Variants in CTNNA3 observed in about 807,000 individuals in gnomAD.
The protein encoded by CTNNA3 is catenin alpha-3.
In CTNNA3, 76 loss-of-function variants were observed where a neutral mutation model predicts 95.7. The ratio of observed to expected loss-of-function variants is 0.79; its 90% CI spans 0.66 to 0.96. CTNNA3 has a LOEUF of 0.96. Among genes scored for constraint, CTNNA3 ranks in the 40% least tolerant of loss-of-function variants. The pLI is 0.00. For synonymous variants in CTNNA3, 431 were observed against 374.4 expected (o/e 1.15, Z -1.74); for missense variants, 1,191 against 1,089.8 (o/e 1.09, Z -1.31).
intron 2 of CTNNA3, among the ~76,000 whole-genome samples, chr10:67,614,022 G>A (rs73268183): frequency 0.13 from 20,206 of 152,150 alleles, 2,416 homozygotes; most frequent in African/African-American, 0.32. Context: ...ATTTTGAAGC[G>A]TGAAAGAACA....
chr10:67,379,530 T>C (rs1009132909), intron 5 of CTNNA3, among the ~76,000 whole-genome samples: 8 of 152,232 alleles, frequency 5.3e-5, no homozygotes, highest in Admixed American at 2.6e-4. Flanking sequence ...GAAAGTATCA[T>C]GCGAATATGA....
chr10:65,985,250 A>G (rs950037074), intron 16 of CTNNA3, among the ~76,000 whole-genome samples: 1 of 151,194 alleles, frequency 6.6e-6, no homozygotes, highest in Non-Finnish European at 1.5e-5. Context: ...AATAATATGA[A>G]ACAGTTGCAA....
intron 13 of CTNNA3, among the ~76,000 whole-genome samples, chr10:66,148,736 C>T (rs58030045): frequency 0.15 from 22,045 of 147,182 alleles, 2,648 homozygotes; most frequent in African/African-American, 0.34. Context: ...AAATTATCCA[C>T]TCTAAAGTAA....
At chr10:65,953,640 G>A (rs762839340) in intron 17 of CTNNA3, among the ~76,000 whole-genome samples, 1 of 151,990 alleles carries the variant, frequency 6.6e-6, no homozygotes, top group Non-Finnish European at 1.5e-5. Flanking sequence ...GCAGTGTTTG[G>A]TTTTCTGTCC....
At chr10:66,347,439 T>G (rs2092531712) in intron 12 of CTNNA3, among the ~76,000 whole-genome samples, 2 of 151,848 alleles carry the variant, frequency 1.3e-5, no homozygotes, top group Non-Finnish European at 2.9e-5. Flanking sequence ...TTTTGTGAGA[T>G]TCCGTCTCTA....
chr10:66,863,471 T>C (rs914105328), intron 7 of CTNNA3, among the ~76,000 whole-genome samples: 1 of 151,944 alleles, frequency 6.6e-6, no homozygotes, highest in African/African-American at 2.4e-5. Flanking sequence ...TAGTGGTAGA[T>C]GTAGTGAAAA....
intron 12 of CTNNA3, among the ~76,000 whole-genome samples, chr10:66,335,210 G>A (rs1447911785): frequency 2.0e-5 from 3 of 151,958 alleles, no homozygotes; most frequent in East Asian, 1.9e-4. Context: ...TTGATTGTCT[G>A]AAGCTGTCTT....
In CTNNA3 at chr10:66,080,799, A is replaced by G. The variant is rs1419743665; in HGVS notation, c.1978-11310T>C. On this transcript the variant is annotated intron_variant, in intron 14 of 17. Coordinates refer to ENST00000433211, the MANE Select transcript of CTNNA3 (RefSeq NM_013266.4). ...GACATTAGTGGAGATGGTCAATGTC[A>G]TTAGACCATCTGTGTTTGCTAAATG... 2.6e-5 allele frequency among the ~76,000 whole-genome samples: 4 copies of G among 152,166 alleles called. No homozygotes were observed. In the East Asian group the frequency reaches 7.7e-4, roughly 29 times the overall value.
At chr10:65,964,993 A>G (rs1009616454) in intron 17 of CTNNA3, among the ~76,000 whole-genome samples, 1 of 152,204 alleles carries the variant, frequency 6.6e-6, no homozygotes, top group Non-Finnish European at 1.5e-5. Flanking sequence ...TGACTAAACA[A>G]AATGCATTTT....
intron 13 of CTNNA3, among the ~76,000 whole-genome samples, chr10:66,120,597 C>T (rs1017585764): frequency 6.6e-6 from 1 of 151,936 alleles, no homozygotes; most frequent in African/African-American, 2.4e-5. Flanking sequence ...ATTTTTAAAG[C>T]ATTATGATTA....
intron 14 of CTNNA3, among the ~76,000 whole-genome samples, chr10:66,091,581 TA>T (rs2081213778): frequency 6.6e-6 from 1 of 151,774 alleles, no homozygotes; most frequent in South Asian, 2.1e-4. Context: ...TGCTATCTAA[TA>T]GGGAGACTAA....
At chr10:67,427,523 G>T (rs1845965408) in intron 5 of CTNNA3, among the ~76,000 whole-genome samples, 1 of 151,970 alleles carries the variant, frequency 6.6e-6, no homozygotes, top group Non-Finnish European at 1.5e-5. Flanking sequence ...TTACTGCCGA[G>T]AAAGCTCACT....
chr10:66,105,736 T>C (rs982338644), intron 13 of CTNNA3, among the ~76,000 whole-genome samples: 2 of 152,202 alleles, frequency 1.3e-5, no homozygotes, highest in Non-Finnish European at 2.9e-5. Context: ...CCTCTTCTTT[T>C]CATGAACAAA....
At chr10:66,837,806 G>A (rs762648290) in intron 7 of CTNNA3, 13 of 151,868 alleles carry the variant, frequency 8.6e-5, no homozygotes, top group South Asian at 4.1e-4. Flanking sequence ...TATAGTAACC[G>A]AATTCCAAGA....
chr10:65,994,814 C>T (rs1262178318), intron 15 of CTNNA3, among the ~76,000 whole-genome samples: 3 of 151,898 alleles, frequency 2.0e-5, no homozygotes, highest in Admixed American at 6.6e-5. Flanking sequence ...TTTATGGAGC[C>T]CCATTTGTTA....
intron 6 of CTNNA3, among the ~76,000 whole-genome samples, chr10:67,192,034 A>C (rs1863142296): frequency 1.3e-5 from 2 of 150,848 alleles, no homozygotes; most frequent in African/African-American, 4.9e-5. Flanking sequence ...TTTACAGACA[A>C]AAATAAAATA....
chr10:66,068,150 T>C (rs138275336), intron 15 of CTNNA3, among the ~76,000 whole-genome samples: 131 of 152,244 alleles, frequency 8.6e-4, no homozygotes, highest in African/African-American at 3.1e-3. Context: ...TACATCTTAT[T>C]CTAACTATTT....
intron 15 of CTNNA3, among the ~76,000 whole-genome samples, chr10:66,033,953 T>C (rs959089988): frequency 2.6e-5 from 4 of 152,212 alleles, no homozygotes; most frequent in African/African-American, 9.6e-5. Context: ...ATTTACCACT[T>C]GTGAGGCCTT....
rs568700637 is a variant in CTNNA3, at chr10:67,035,041, G to C, written c.1047+145276C>G. Among the ~76,000 whole-genome samples the C allele has an allele frequency of 3.9e-5, 6 of 152,298 alleles. No individual in the cohort carries two copies. The South Asian group carries it at 1.2e-3, about 32-fold the overall frequency. ...CCCTTATTGAGGTCACCAGTTAGAAGTGCTCACTGTATTTTATGAATACTG... is the reference window on the plus strand; with the variant it reads ...CCCTTATTGAGGTCACCAGTTAGAACTGCTCACTGTATTTTATGAATACTG... On this transcript the variant is annotated intron_variant, in intron 7 of 17. Coordinates refer to ENST00000433211, the MANE Select transcript of CTNNA3 (RefSeq NM_013266.4).
Sources: gnomAD v4.1 joint callset for allele counts (sites outside exome capture counted in the v4.1 genomes callset) on GRCh38, gnomAD v4.1.1 for gene constraint, MANE v1.5 for transcripts, NCBI Gene and HGNC (gene_info 2026-07-23, HGNC 2026-07-21) for gene names.